Variants in KCNMA1 observed in about 807,000 individuals in gnomAD.
KCNMA1 encodes Calcium-activated potassium channel subunit alpha-1.
In KCNMA1, 29 loss-of-function variants were observed where a neutral mutation model predicts 140.0. That is an observed-to-expected ratio of 0.21 (90% CI 0.15 to 0.28). The LOEUF (loss-of-function observed/expected upper bound fraction) is 0.28, where lower values mean the gene tolerates loss of function less well. Ranked by LOEUF, KCNMA1 falls within the 10% of genes least tolerant of loss-of-function variation. The probability of loss-of-function intolerance (pLI) is 1.00; values close to 1 mark genes in which losing one functional copy is unlikely to be tolerated. For missense variants in KCNMA1, 880 were observed against 1,602.2 expected (o/e 0.55, Z 7.70); for synonymous variants, 612 against 611.9 (o/e 1.00, Z 0.00).
intron 19 of KCNMA1, among the ~76,000 whole-genome samples, chr10:76,993,597 C>A (rs554821743): frequency 3.4e-4 from 52 of 152,320 alleles, no homozygotes; most frequent in African/African-American, 1.2e-3. Flanking sequence ...GGGGCCCGCC[C>A]ACAACAGGCT....
rs532658743 is a variant in KCNMA1, at chr10:77,049,976, C to A, written c.1750-10339G>T. 1.1e-4 allele frequency among the ~76,000 whole-genome samples: 16 copies of A among 152,158 alleles called. No individual in the cohort carries two copies. In the East Asian group the frequency reaches 2.9e-3, roughly 28 times the overall value. On this transcript the variant is annotated intron_variant, in intron 14 of 27. Transcript: ENST00000286628. The stretch of plus-strand genomic sequence containing the variant: ...AACTTGGAGGCTTGAATTTGAAAGA[C>A]AAAACTCTCAAGAACTGATATATTG...
At chr10:77,518,473 A>T in intron 1 of KCNMA1, among the ~76,000 whole-genome samples, 1 of 152,154 alleles carries the variant, frequency 6.6e-6, no homozygotes, top group East Asian at 1.9e-4. Context: ...CAAGTGATAC[A>T]TGAAGTCATG....
intron 1 of KCNMA1, chr10:77,586,934 G>A (rs2077421630): frequency 6.6e-6 from 1 of 152,166 alleles, no homozygotes; most frequent in Non-Finnish European, 1.5e-5. Flanking sequence ...TTCTACTCCA[G>A]CTAGAAAGAG....
chr10:77,188,238 T>C lies in KCNMA1; in HGVS notation c.603-3322A>G, dbSNP rs181362624. On this transcript the variant is annotated intron_variant, in intron 3 of 27. Transcript: ENST00000286628. ...CTTAGATTTCCAGTCTGATGAGGCA[T>C]ATCCACCTCAGAAGGATTTACATGG... 3.3e-5 allele frequency among the ~76,000 whole-genome samples: 5 copies of C among 151,812 alleles called. No homozygotes were observed. In the East Asian group the frequency reaches 9.7e-4, roughly 30 times the overall value.
chr10:77,142,616 T>C (rs1479662526), intron 5 of KCNMA1, among the ~76,000 whole-genome samples: 1 of 152,064 alleles, frequency 6.6e-6, no homozygotes, highest in Non-Finnish European at 1.5e-5. Context: ...GGGAACAGCA[T>C]GACGAATATC....
At chr10:77,372,217 C>T (rs1285473885) in intron 2 of KCNMA1, among the ~76,000 whole-genome samples, 3 of 152,166 alleles carry the variant, frequency 2.0e-5, no homozygotes, top group Non-Finnish European at 4.4e-5. Context: ...CCTCTCAAAT[C>T]CACCCAAACC....
At chr10:77,362,833 C>T (rs1402108253) in intron 2 of KCNMA1, among the ~76,000 whole-genome samples, 1 of 152,228 alleles carries the variant, frequency 6.6e-6, no homozygotes, top group East Asian at 1.9e-4. Flanking sequence ...AGAGGCAGAA[C>T]ATTTAGAAAA....
At chr10:77,009,582 TC>T (rs2090187399) in intron 18 of KCNMA1, among the ~76,000 whole-genome samples, 1 of 152,088 alleles carries the variant, frequency 6.6e-6, no homozygotes, top group Non-Finnish European at 1.5e-5. Context: ...TGACATTTCC[TC>T]ACTTAAAATC....
chr10:77,292,399 G>A (rs1192357745), intron 2 of KCNMA1, among the ~76,000 whole-genome samples: 1 of 152,212 alleles, frequency 6.6e-6, no homozygotes, highest in Non-Finnish European at 1.5e-5. Context: ...AGTCATTTCA[G>A]TGTTTTCAGA....
In KCNMA1 at chr10:76,889,586, G is replaced by T. The variant is rs199571730; in HGVS notation, c.3343-17C>A. The T allele has an allele frequency of 1.2e-4, 193 of 1,547,002 alleles. No individual in the cohort carries two copies. The highest frequency in any genetic ancestry group is 1.6e-4 in the Non-Finnish European group (177 of 1,118,970). ...ACCACCATCCTGGGAGACAGCAAAA[G>T]AACAGAGAGAAACATCCTTTTTATT... On this transcript the variant is annotated splice_polypyrimidine_tract_variant and intron_variant, in intron 26 of 27. Coordinates refer to ENST00000286628, the MANE Select transcript of KCNMA1 (RefSeq NM_001161352.2).
chr10:76,960,685 G>T (rs2071005161), intron 20 of KCNMA1, among the ~76,000 whole-genome samples: 1 of 143,626 alleles, frequency 7.0e-6, no homozygotes, highest in Admixed American at 7.3e-5. Context: ...TAGAGCACAG[G>T]CAGAGTAGAT....
chr10:77,064,208 A>G (rs774463761), intron 14 of KCNMA1: 32 of 655,032 alleles, frequency 4.9e-5, no homozygotes, highest in Middle Eastern at 7.6e-4. Context: ...AGTTTGCTTT[A>G]CCTTTAATGC....
At chr10:77,122,769 A>G (rs1437818417) in intron 5 of KCNMA1, among the ~76,000 whole-genome samples, 1 of 152,228 alleles carries the variant, frequency 6.6e-6, no homozygotes, top group Admixed American at 6.5e-5. Context: ...GACCAATGCC[A>G]AGAAGCATCT....
chr10:77,423,455 T>C (rs2096911191), intron 1 of KCNMA1, among the ~76,000 whole-genome samples: 1 of 152,184 alleles, frequency 6.6e-6, no homozygotes, highest in Non-Finnish European at 1.5e-5. Flanking sequence ...CCTCTCCTTT[T>C]GGAAATATAA....
intron 2 of KCNMA1, among the ~76,000 whole-genome samples, chr10:77,271,494 G>C (rs923766879): frequency 6.6e-6 from 1 of 152,172 alleles, no homozygotes. Flanking sequence ...CCTAGAGCAG[G>C]TAACTCTCAA....
chr10:76,877,771 G>A (rs1258690265), exon 30 of KCNMA1: 1 of 1,562,922 alleles, frequency 6.4e-7, no homozygotes, highest in Admixed American at 1.9e-5. Flanking sequence ...CTGATTGGTG[G>A]AATCAAGCTG....
chr10:77,285,168 T>A (rs1412271565), intron 2 of KCNMA1, among the ~76,000 whole-genome samples: 1 of 152,228 alleles, frequency 6.6e-6, no homozygotes, highest in African/African-American at 2.4e-5. Context: ...AATAAATGCA[T>A]TCGACTGAGC....
intron 3 of KCNMA1, among the ~76,000 whole-genome samples, chr10:77,212,606 T>C (rs1278340167): frequency 6.6e-6 from 1 of 152,174 alleles, no homozygotes; most frequent in Non-Finnish European, 1.5e-5. Context: ...GTACTGTATG[T>C]ATACTACTTT....
At chr10:76,881,043 G>A (rs537150668), downstream of KCNMA1, among the ~76,000 whole-genome samples, 1 of 150,408 alleles carries the variant, frequency 6.6e-6, no homozygotes, top group East Asian at 1.9e-4. Flanking sequence ...TCAGTCTGTG[G>A]CTGGGAGGGG....
Sources: allele counts gnomAD v4.1 joint callset (sites outside exome capture counted in the v4.1 genomes callset), GRCh38; gene constraint gnomAD v4.1.1; transcripts MANE v1.5; gene names NCBI Gene and HGNC (gene_info 2026-07-23, HGNC 2026-07-21).